SAMD12: variants seen among roughly 807,000 people sequenced by gnomAD.
The protein encoded by SAMD12 is sterile alpha motif domain-containing protein 12.
SAMD12 carries 9 observed loss-of-function variants against 15.0 expected under a neutral mutation model. That is an observed-to-expected ratio of 0.60 (90% CI 0.36 to 1.05). The LOEUF (loss-of-function observed/expected upper bound fraction) is 1.05, where lower values mean the gene tolerates loss of function less well. Among genes scored for constraint, SAMD12 ranks in the 50% least tolerant of loss-of-function variants. The pLI, the probability that SAMD12 is intolerant of heterozygous loss-of-function variation, is 0.01. For synonymous variants in SAMD12, 86 were observed against 90.1 expected (o/e 0.96, Z 0.25); for missense variants, 230 against 234.2 (o/e 0.98, Z 0.12).
At chr8:118,562,601 G>C (rs1390598348) in intron 2 of SAMD12, among the ~76,000 whole-genome samples, 1 of 152,096 alleles carries the variant, frequency 6.6e-6, no homozygotes, top group Non-Finnish European at 1.5e-5. Context: ...CAAAAAAGGG[G>C]AATGATGATG....
chr8:118,452,793 T>C (rs982946218), intron 2 of SAMD12, among the ~76,000 whole-genome samples: 1 of 152,216 alleles, frequency 6.6e-6, no homozygotes, highest in Non-Finnish European at 1.5e-5. Context: ...CTGGAAACTA[T>C]CTTGTTTTCA....
chr8:118,364,890 C>A (rs1450709622), intron 4 of SAMD12, among the ~76,000 whole-genome samples: 1 of 152,018 alleles, frequency 6.6e-6, no homozygotes, highest in Non-Finnish European at 1.5e-5. Flanking sequence ...CATTTGCCAC[C>A]ACCCTCATCC....
chr8:118,484,396 A>G (rs183549203), intron 2 of SAMD12, among the ~76,000 whole-genome samples: 1 of 152,284 alleles, frequency 6.6e-6, no homozygotes, highest in Non-Finnish European at 1.5e-5. Flanking sequence ...CTGTATACTT[A>G]AAAATTTGTT....
the SAMD12 span, among the ~76,000 whole-genome samples, chr8:118,150,639 A>C: frequency 6.6e-6 from 1 of 152,122 alleles, no homozygotes; most frequent in Non-Finnish European, 1.5e-5. Flanking sequence ...AAAGTGCTGA[A>C]ATTATAGGCA....
chr8:118,442,278 G>A (rs1822786914), intron 2 of SAMD12, among the ~76,000 whole-genome samples: 1 of 152,208 alleles, frequency 6.6e-6, no homozygotes, highest in African/African-American at 2.4e-5. Context: ...AGGATTAAGT[G>A]AATGAATTAA....
At chr8:118,253,345 A>C (rs1333553237) in intron 4 of SAMD12, among the ~76,000 whole-genome samples, 2 of 152,178 alleles carry the variant, frequency 1.3e-5, no homozygotes, top group African/African-American at 4.8e-5. Flanking sequence ...CCAAAATGGG[A>C]ATAGGGGCAA....
the SAMD12 span, among the ~76,000 whole-genome samples, chr8:118,135,962 C>G: frequency 2.0e-5 from 3 of 152,150 alleles, no homozygotes; most frequent in Non-Finnish European, 4.4e-5. Context: ...CCCACTCCCC[C>G]GCTTTGTCCC....
chr8:118,368,736 A>C (rs1210867385), intron 4 of SAMD12, among the ~76,000 whole-genome samples: 1 of 152,232 alleles, frequency 6.6e-6, no homozygotes, highest in East Asian at 1.9e-4. Flanking sequence ...ATGAGAGAAA[A>C]GGGCAACAAT....
At chr8:118,583,456 G>C (rs1026956763) in intron 1 of SAMD12, among the ~76,000 whole-genome samples, 1 of 152,172 alleles carries the variant, frequency 6.6e-6, no homozygotes, top group African/African-American at 2.4e-5. Context: ...AGACATTAAT[G>C]AAGAAAAGAA....
the SAMD12 span, among the ~76,000 whole-genome samples, chr8:118,157,665 G>A: frequency 6.6e-6 from 1 of 152,144 alleles, no homozygotes; most frequent in African/African-American, 2.4e-5. Context: ...CTCATAAATA[G>A]GAGCTATTTC....
intron 4 of SAMD12, among the ~76,000 whole-genome samples, chr8:118,269,218 CTCTG>C (rs1288799771): frequency 2.7e-4 from 31 of 115,740 alleles, no homozygotes; most frequent in Middle Eastern, 3.9e-3. Flanking sequence ...CTCTCTCTCT[CTCTG>C]TGTGTGTGTG....
chr8:118,346,582 G>A (rs978921586), intron 4 of SAMD12, among the ~76,000 whole-genome samples: 2 of 152,150 alleles, frequency 1.3e-5, no homozygotes, highest in Non-Finnish European at 2.9e-5. Context: ...GATGTTAAAC[G>A]GCATTGAGAG....
chr8:118,149,370 T>C, the SAMD12 span, among the ~76,000 whole-genome samples: 1 of 152,248 alleles, frequency 6.6e-6, no homozygotes, highest in Non-Finnish European at 1.5e-5. Context: ...TGTGGTTTTG[T>C]GTATTTGCCT....
At chr8:118,411,433 C>G (rs778301157) in intron 3 of SAMD12, among the ~76,000 whole-genome samples, 1 of 152,122 alleles carries the variant, frequency 6.6e-6, no homozygotes, top group Non-Finnish European at 1.5e-5. Context: ...GACGATGAAA[C>G]TACTTTTTAA....
chr8:118,171,728 ATTT>A, the SAMD12 span, among the ~76,000 whole-genome samples: 247 of 136,200 alleles, frequency 1.8e-3, no homozygotes, highest in East Asian at 4.1e-3. Flanking sequence ...TGGGTACAGG[ATTT>A]TTTTTTTTTT....
intron 4 of SAMD12, among the ~76,000 whole-genome samples, chr8:118,331,201 T>A (rs939076987): frequency 4.6e-5 from 7 of 151,856 alleles, no homozygotes; most frequent in African/African-American, 1.7e-4. Context: ...GTGAAAGTGA[T>A]CAAAGGAAAA....
chr8:118,491,505 A>C (rs1431741582), intron 2 of SAMD12, among the ~76,000 whole-genome samples: 6 of 152,316 alleles, frequency 3.9e-5, no homozygotes, highest in Non-Finnish European at 8.8e-5. Context: ...TACCTAGAGT[A>C]AAACGTATAG....
chr8:118,586,387 G>C (rs1827442597), intron 1 of SAMD12, among the ~76,000 whole-genome samples: 1 of 147,474 alleles, frequency 6.8e-6, no homozygotes, highest in Admixed American at 6.8e-5. Context: ...CTGTTGCCCA[G>C]GCCGGAGTGC....
At chr8:118,557,652 T>C (rs1322972875) in intron 2 of SAMD12, among the ~76,000 whole-genome samples, 1 of 152,192 alleles carries the variant, frequency 6.6e-6, no homozygotes, top group Non-Finnish European at 1.5e-5. Flanking sequence ...ATCTTTGTGG[T>C]TTCATTCAAA....
Sources: gnomAD v4.1 joint callset for allele counts (sites outside exome capture counted in the v4.1 genomes callset) on GRCh38, gnomAD v4.1.1 for gene constraint, MANE v1.5 for transcripts, NCBI Gene and HGNC (gene_info 2026-07-23, HGNC 2026-07-21) for gene names.